TARS1: variants seen among roughly 807,000 people sequenced by gnomAD.
TARS1 encodes threonyl-tRNA synthetase 1, also known as threonine--tRNA ligase 1, cytoplasmic.
A neutral mutation model predicts 97.7 loss-of-function variants in TARS1; 57 were observed. The ratio of observed to expected loss-of-function variants is 0.58; its 90% CI spans 0.47 to 0.73. The LOEUF (loss-of-function observed/expected upper bound fraction) is 0.73. TARS1 is among the 30% of genes least tolerant of loss of function. The probability of loss-of-function intolerance (pLI) is 0.00; values close to 1 mark genes in which losing one functional copy is unlikely to be tolerated. For missense variants in TARS1, 806 were observed against 888.3 expected (o/e 0.91, Z 1.18); for synonymous variants, 312 against 293.7 (o/e 1.06, Z -0.64).
chr5:33,457,237 T>C lies in TARS1; in HGVS notation c.838-20T>C, dbSNP rs779331881. 6.2e-7 allele frequency: 1 copy of C among 1,606,898 alleles called. No individual in the cohort carries two copies. Among genetic ancestry groups the C allele is most frequent in the Non-Finnish European group, 8.5e-7 (1 of 1,176,706 alleles). On this transcript the variant is annotated intron_variant, in intron 8 of 18. Coordinates refer to ENST00000265112, the MANE Select transcript of TARS1 (RefSeq NM_152295.5). ...GTTTACAAATTTGAATGTTGTTTCA[T>C]GGTTAATCCTTGTTTTCAGAATTCC...
chr5:33,450,003 A>G (rs995848366), intron 3 of TARS1, among the ~76,000 whole-genome samples: 18 of 152,174 alleles, frequency 1.2e-4, no homozygotes, highest in Admixed American at 3.9e-4. Context: ...GCGAGTGCTA[A>G]TTAGAGTTCT....
intron 1 of TARS1, among the ~76,000 whole-genome samples, chr5:33,444,091 T>C (rs1363881060): frequency 2.0e-5 from 3 of 152,200 alleles, no homozygotes; most frequent in Non-Finnish European, 2.9e-5. Context: ...CAATGACAAG[T>C]ATTGATGCAT....
Position 33,462,221 on chromosome 5 carries a change from CTT to C in TARS1, c.1835+25_1835+26del, listed in dbSNP as rs749080098. Reference sequence around the variant, plus strand: ...GGCAAATGGTAATTTTTGTCACTGTCTTTTTTTTCTGATTAGTATAAATTGGC... The same window carrying C: ...GGCAAATGGTAATTTTTGTCACTGTCTTTTTTCTGATTAGTATAAATTGGC... On this transcript the variant is annotated intron_variant, in intron 16 of 18. Coordinates refer to ENST00000265112, the MANE Select transcript of TARS1 (RefSeq NM_152295.5). 1 of 1,595,836 alleles carries C rather than the reference CTT, an allele frequency of 6.3e-7. No individual in the cohort carries two copies. The highest frequency in any genetic ancestry group is 1.7e-5 in the Admixed American group (1 of 59,332).
Position 33,459,731 on chromosome 5 carries a change from A to T in TARS1, c.1120A>T (p.Thr374Ser). ...GAAAAGAGGATTCCAGGAGGTAGTC[A>T]CCCCAAACATCTTCAACAGCCGACT... Reference protein sequence around the residue: ...YRKRGFQEVVTPNIFNSRLWM... With the variant: ...YRKRGFQEVVSPNIFNSRLWM... Residue 374 changes from threonine to serine, a missense_variant, in exon 11 of 19, where the codon ACC becomes TCC. By Grantham distance (58) the Thr-to-Ser change is moderately conservative (BLOSUM62 1). Around this residue, in one of 3 missense-constraint regions of TARS1, gnomAD observed 446 missense variants for 511.0 expected, o/e 0.87. Coordinates refer to ENST00000265112, the MANE Select transcript of TARS1 (RefSeq NM_152295.5). The T allele has an allele frequency of 6.2e-7, 1 of 1,614,138 alleles. No individual in the cohort carries two copies. The highest frequency in any genetic ancestry group is 8.5e-7 in the Non-Finnish European group (1 of 1,180,014).
intron 2 of TARS1, chr5:33,446,505 C>G (rs1741424543): frequency 2.3e-6 from 1 of 444,164 alleles, no homozygotes; most frequent in African/African-American, 2.0e-5. Context: ...CTCTTCTGAA[C>G]AGAGAATTTT....
Position 33,455,999 on chromosome 5 carries a change from C to T in TARS1, c.694-3C>T, listed in dbSNP as rs143600796. The T allele has an allele frequency of 1.2e-6, 2 of 1,613,012 alleles. No homozygotes were observed. Among genetic ancestry groups the T allele is most frequent in the East Asian group, 2.2e-5 (1 of 44,804 alleles). Reference sequence around the variant, plus strand: ...TTAAAATAATAATTTTTCCTGTTTTCAGTACAACAAGTTCAAATGCCGGAT... The same window carrying T: ...TTAAAATAATAATTTTTCCTGTTTTTAGTACAACAAGTTCAAATGCCGGAT... On this transcript the variant is annotated splice_region_variant and splice_polypyrimidine_tract_variant and intron_variant, in intron 6 of 18. Coordinates refer to ENST00000265112, the MANE Select transcript of TARS1 (RefSeq NM_152295.5).
At chr5:33,446,746 G>C in intron 2 of TARS1, 2 of 1,289,090 alleles carry the variant, frequency 1.6e-6, no homozygotes, top group Non-Finnish European at 2.0e-6. Flanking sequence ...CTGCAGTTAA[G>C]ATACAGAGGG....
rs1195893441 is a variant in TARS1, at chr5:33,461,890, A to T, written c.1630-16A>T. 2 of 1,608,524 alleles carry T rather than the reference A, an allele frequency of 1.2e-6. No individual in the cohort carries two copies. Among genetic ancestry groups the T allele is most frequent in the African/African-American group, 2.7e-5 (2 of 74,842 alleles). ...TATCACTGGCATTTTATAATAACCC[A>T]GTCTTTGCTTCTTAGATTGACATAC... On this transcript the variant is annotated splice_polypyrimidine_tract_variant and intron_variant, in intron 14 of 18. Coordinates refer to ENST00000265112, the MANE Select transcript of TARS1 (RefSeq NM_152295.5).
chr5:33,457,544 C>A (rs950425513), intron 9 of TARS1, 141 bp downstream of exon 9: 12 of 873,818 alleles, frequency 1.4e-5, no homozygotes, highest in Non-Finnish European at 2.1e-5. Context: ...ATGTCCTGTA[C>A]AAACTATAAA....
chr5:33,453,642 A>C (rs914833621), intron 4 of TARS1, among the ~76,000 whole-genome samples: 1 of 152,172 alleles, frequency 6.6e-6, no homozygotes, highest in Non-Finnish European at 1.5e-5. Flanking sequence ...TTCAATAGGG[A>C]AAATGTTTTG....
chr5:33,450,936 G>A (rs1251784126), intron 3 of TARS1, among the ~76,000 whole-genome samples: 3 of 152,138 alleles, frequency 2.0e-5, no homozygotes, highest in Non-Finnish European at 4.4e-5. Context: ...CCAACATGGC[G>A]AAACCCTGTC....
chr5:33,451,505 G>C (rs1209986300), intron 3 of TARS1, among the ~76,000 whole-genome samples: 1 of 151,978 alleles, frequency 6.6e-6, no homozygotes, highest in Admixed American at 6.6e-5. Context: ...CTCCTGAGTA[G>C]CTGGGATTAC....
At chr5:33,465,313 C>G (rs1238785899) in intron 17 of TARS1, among the ~76,000 whole-genome samples, 1 of 152,168 alleles carries the variant, frequency 6.6e-6, no homozygotes, top group Non-Finnish European at 1.5e-5. Flanking sequence ...GCACTGACTT[C>G]CCCATTTCCC....
At chr5:33,454,901 G>A in intron 4 of TARS1, 44 bp from the exon 5 acceptor site, 4 of 1,595,108 alleles carry the variant, frequency 2.5e-6, no homozygotes, top group African/African-American at 1.3e-5. Flanking sequence ...TTGGCAACTT[G>A]TATGCCAAGA....
intron 10 of TARS1, 111 bp downstream of exon 10, chr5:33,458,775 C>T (rs887611068): frequency 3.2e-5 from 29 of 896,550 alleles, no homozygotes; most frequent in Admixed American, 5.8e-5. Context: ...ATATATAAGA[C>T]GATAAGTAAA....
chr5:33,462,597 T>C (rs1436062546), intron 16 of TARS1, among the ~76,000 whole-genome samples: 1 of 152,218 alleles, frequency 6.6e-6, no homozygotes, highest in Non-Finnish European at 1.5e-5. Context: ...GCCTTGCTAA[T>C]CATAACAAGC....
At chr5:33,455,848 T>G in intron 6 of TARS1, 144 bp downstream of exon 6, 1 of 980,768 alleles carries the variant, frequency 1.0e-6, no homozygotes. Flanking sequence ...ATTTTTTTAA[T>G]TTCATTTTTT....
chr5:33,445,167 T>C (rs1285159052), intron 1 of TARS1, among the ~76,000 whole-genome samples, 157 bp from the exon 2 acceptor site: 1 of 152,226 alleles, frequency 6.6e-6, no homozygotes, highest in South Asian at 2.1e-4. Flanking sequence ...AACCTGTCTT[T>C]GCCAGTGATG....
chr5:33,453,722 ATTT>A (rs911017855), intron 4 of TARS1, among the ~76,000 whole-genome samples: 1 of 144,646 alleles, frequency 6.9e-6, no homozygotes. Context: ...TTTTATTTTA[ATTT>A]TTTTTTTTTT....
Sources: allele counts gnomAD v4.1 joint callset (sites outside exome capture counted in the v4.1 genomes callset), GRCh38; gene constraint gnomAD v4.1.1; regional missense constraint gnomAD v4.1.1; transcripts MANE v1.5; gene names NCBI Gene and HGNC (gene_info 2026-07-23, HGNC 2026-07-21).